The following LMTK3 variants were observed in gnomAD, a reference collection of about 807,000 sequenced individuals.
LMTK3 encodes lemur tail kinase 3.
LMTK3 carries 27 observed loss-of-function variants against 116.7 expected under a neutral mutation model. The observed-to-expected ratio is 0.23, with a 90% CI of 0.17 to 0.32. The LOEUF is 0.32. LMTK3 is among the 10% of genes least tolerant of loss of function. The pLI is 1.00. For synonymous variants in LMTK3, 965 were observed against 971.0 expected (o/e 0.99, Z 0.11); for missense variants, 1,764 against 2,068.5 (o/e 0.85, Z 2.86).
At chr19:48,486,873 T>G in intron 14 of LMTK3, among the ~76,000 whole-genome samples, 1 of 151,696 alleles carries the variant, frequency 6.6e-6, no homozygotes, top group Non-Finnish European at 1.5e-5. Flanking sequence ...GGGGTTTTGC[T>G]TGTTTGTTTT....
At position 48,499,121 on chromosome 19, in the gene LMTK3, G is replaced by C; in HGVS notation, c.1948C>G (p.Pro650Ala). ...CCAAGGCTGCTGCTGTCTTCCCCTG[G>C]GGAGCTGCCCTCCTCCTCCTCCTCT... is the stretch of plus-strand genomic sequence containing the variant. ...EEEEEEEGSS[P>A]GEDSSSLGGG... The change falls in exon 11 of 15, where the codon CCA becomes GCA. Residue 650 changes from proline (P) to alanine (A), a missense_variant. Pro to Ala is a conservative substitution (Grantham distance 27). Coordinates refer to ENST00000600059, the MANE Select transcript of LMTK3 (RefSeq NM_001388485.1). 6.4e-7 allele frequency: 1 copy of C among 1,558,350 alleles called. No individual in the cohort carries two copies. Among genetic ancestry groups the C allele is most frequent in the Non-Finnish European group, 8.6e-7 (1 of 1,156,670 alleles).
chr19:48,496,301 C>CT (rs553971997), intron 11 of LMTK3, among the ~76,000 whole-genome samples: 295 of 122,242 alleles, frequency 2.4e-3, no homozygotes, highest in African/African-American at 3.2e-3. Flanking sequence ...TTTTTCTTTT[C>CT]TTTTTTTTTT....
rs1308836604 is a variant in LMTK3 at position 48,494,909 on chromosome 19, ACTCC to A, written c.3677-804_3677-801del. On this transcript the variant is annotated intron_variant, in intron 11 of 14. Transcript: ENST00000600059. This position sits in a 1 kb window ranked among gnomAD's most constrained non-coding sequence, Gnocchi z 4.0. ...TCTCCCACCGATGTCCACCTGCCTC[ACTCC>A]CTCCTTTCCTTCACATCTGCTCAAA... is the stretch of plus-strand genomic sequence containing the variant. 1.3e-5 allele frequency among the ~76,000 whole-genome samples: 2 copies of A among 151,284 alleles called. No homozygotes were observed. The highest frequency in any genetic ancestry group is 2.9e-5 in the Non-Finnish European group (2 of 67,866).
chr19:48,489,170 C>T (rs1467008252), intron 14 of LMTK3, among the ~76,000 whole-genome samples: 1 of 152,234 alleles, frequency 6.6e-6, no homozygotes, highest in Non-Finnish European at 1.5e-5. Context: ...GCCAGGCAGG[C>T]TCACCCGTCT....
chr19:48,490,367 T>C (rs1972200703), intron 14 of LMTK3, among the ~76,000 whole-genome samples: 1 of 150,882 alleles, frequency 6.6e-6, no homozygotes, highest in Non-Finnish European at 1.5e-5. Context: ...GTAGTAAAAA[T>C]ACAAAAAAAG....
chr19:48,493,699 C>T lies in LMTK3; in HGVS notation c.4087G>A (p.Asp1363Asn), dbSNP rs1972270237. 2 of 1,570,418 alleles carry T rather than the reference C, an allele frequency of 1.3e-6. No individual in the cohort carries two copies. The highest frequency in any genetic ancestry group is 1.7e-6 in the Non-Finnish European group (2 of 1,159,398). ...FHGDVTVYLF[D>N]QETPTNELSV... ...CGCCCTCTCGGGTTCCGCACCTGGT[C>T]GAAGAGGTAGACGGTCACGTCCCCG... Residue 1363 changes from aspartate (D) to asparagine (N), a missense_variant, in exon 12 of 15, where the codon GAC becomes AAC. By Grantham distance (23) the Asp-to-Asn change is conservative. This residue lies in a region of LMTK3 where 281 missense variants were observed against 301.4 expected (regional missense o/e 0.93). Transcript: ENST00000600059.
At chr19:48,513,062 C>T (rs1019240775), upstream of LMTK3, 4 of 1,167,092 alleles carry the variant, frequency 3.4e-6, no homozygotes, top group East Asian at 5.1e-5. The surrounding 1 kb of genome is among the most constrained non-coding windows in gnomAD (Gnocchi z 5.6). Context: ...CACTGGCACA[C>T]ATAACACATA....
In LMTK3 at chr19:48,499,640, G is replaced by A; in HGVS notation, c.1429C>T (p.Leu477Phe). ...TVTESSRGLN[L>F]ECLWEKARRG... ...CGGGCCTTCTCCCACAGGCACTCGA[G>A]GTTGAGGCCGCGGCTACTCTCGGTG... The change falls in exon 11 of 15, where the codon CTC becomes TTC. Residue 477 changes from leucine (L) to phenylalanine (F), a missense_variant. Leu to Phe is a conservative substitution (Grantham distance 22). This residue lies in a region of LMTK3 where 16 missense variants were observed against 36.7 expected (regional missense o/e 0.44). Transcript: ENST00000600059. 6.5e-7 allele frequency: 1 copy of A among 1,542,866 alleles called. No homozygotes were observed. The highest frequency in any genetic ancestry group is 8.7e-7 in the Non-Finnish European group (1 of 1,143,494).
intron 1 of LMTK3, among the ~76,000 whole-genome samples, chr19:48,511,023 A>T (rs1972649825): frequency 6.6e-6 from 1 of 150,916 alleles, no homozygotes; most frequent in African/African-American, 2.4e-5. Flanking sequence ...CCATGCTGGA[A>T]CCCCCCAGTT....
Position 48,499,307 on chromosome 19 carries a change from G to C in LMTK3, c.1762C>G (p.Leu588Val), listed in dbSNP as rs749084874. 4.2e-6 allele frequency: 6 copies of C among 1,414,500 alleles called. No homozygotes were observed. In the South Asian group the frequency reaches 4.8e-5, roughly 11 times the overall value. 87.6% of individuals were successfully genotyped at this position (1,414,500 alleles called of 1,614,324 possible). A position where few individuals can be genotyped will look rare whatever the true frequency, so the allele number is the denominator to read the frequency against. ...GGGAAGGGCCGGGGCGCAGGGAAGA[G>C]GGGGGAGGCCCAGGTCTCGGACACC... ...QLVSETWASPLFPAPRPFPAQ... is the reference protein window; with the variant it reads ...QLVSETWASPVFPAPRPFPAQ... Residue 588 changes from leucine (L) to valine (V), a missense_variant, in exon 11 of 15, where the codon CTC becomes GTC. By Grantham distance (32) the Leu-to-Val change is conservative. This residue lies in a region of LMTK3 where 1,028 missense variants were observed against 1,050.6 expected (regional missense o/e 0.98). Transcript: ENST00000600059.
intron 5 of LMTK3, among the ~76,000 whole-genome samples, chr19:48,505,022 C>G (rs1972539731): frequency 6.6e-6 from 1 of 151,466 alleles, no homozygotes; most frequent in African/African-American, 2.4e-5. Flanking sequence ...TCCAAGGTGG[C>G]CCCTGTCTCT....
At position 48,493,919 on chromosome 19, in the gene LMTK3, C is replaced by T. The variant is rs1972276663; in HGVS notation, c.3867G>A (p.Glu1289=). ...CCGCCGCGCCCGGCGCCGCCGCCTC[C>T]TCGTCCTCCTCCTCGTCCTCGTCCT... ...EDEDEDEEED[E]EAAAPGAAAG... The change falls in exon 12 of 15, where the codon GAG becomes GAA. Residue 1289 remains glutamate, a synonymous_variant. Coordinates refer to ENST00000600059, the MANE Select transcript of LMTK3 (RefSeq NM_001388485.1). 1.9e-6 allele frequency: 2 copies of T among 1,030,414 alleles called. No individual in the cohort carries two copies. Among genetic ancestry groups the T allele is most frequent in the African/African-American group, 1.7e-5 (1 of 57,656 alleles). 63.8% of individuals were successfully genotyped at this position (1,030,414 alleles called of 1,614,324 possible). A position where few individuals can be genotyped will look rare whatever the true frequency, so the allele number is the denominator to read the frequency against.
At chr19:48,510,370 G>GC in intron 2 of LMTK3, 89 bp downstream of exon 2, 1 of 1,494,472 alleles carries the variant, frequency 6.7e-7, no homozygotes, top group East Asian at 2.5e-5. Flanking sequence ...CGGATTTACT[G>GC]CCCCCTTCTC....
In LMTK3 at chr19:48,497,307, A is replaced by C. The variant is rs1601046492; in HGVS notation, c.3676+86T>G. The C allele has an allele frequency of 2.3e-5, 31 of 1,348,084 alleles. No individual in the cohort carries two copies. Among genetic ancestry groups the C allele is most frequent in the African/African-American group, 3.0e-5 (2 of 66,184 alleles). 83.5% of individuals were successfully genotyped at this position (1,348,084 alleles called of 1,614,324 possible). ...ACCTGCATTCATCACTGCCAGCCCGACCCGACATGTTTACCCACACTCACC... is the reference window on the plus strand; with the variant it reads ...ACCTGCATTCATCACTGCCAGCCCGCCCCGACATGTTTACCCACACTCACC... On this transcript the variant is annotated intron_variant, in intron 11 of 14. Coordinates refer to ENST00000600059, the MANE Select transcript of LMTK3 (RefSeq NM_001388485.1). This position sits in a 1 kb window ranked among gnomAD's most constrained non-coding sequence, Gnocchi z 5.7.
chr19:48,511,642 G>A lies in LMTK3; in HGVS notation c.-66C>T. The A allele has an allele frequency of 3.2e-6, 2 of 626,330 alleles. No individual in the cohort carries two copies. The highest frequency in any genetic ancestry group is 3.4e-5 in the East Asian group (1 of 29,374). The allele number at this position is 626,330 out of a possible 1,614,324, so 38.8% of individuals were successfully genotyped here. A position where few individuals can be genotyped will look rare whatever the true frequency, so the allele number is the denominator to read the frequency against. On this transcript the variant is annotated 5_prime_UTR_variant, in exon 1 of 15. Transcript: ENST00000600059. The stretch of plus-strand genomic sequence containing the variant: ...GGGAGGAGGGGGGGGCGGGCCCTCA[G>A]CCCCCAGCCATGGGGACCCGCGCGA...
In LMTK3 at chr19:48,499,668, C is replaced by T. The variant is rs1047614828; in HGVS notation, c.1401G>A (p.Thr467=). The part of the protein sequence containing the change: ...FPGADPDDVL[T]VTESSRGLNL... ...TGAGGCCGCGGCTACTCTCGGTGAC[C>T]GTGAGCACATCGTCGGGGTCGGCTC... Residue 467 remains threonine (T), a synonymous_variant, in exon 11 of 15, where the codon ACG becomes ACA. Transcript: ENST00000600059. The T allele has an allele frequency of 1.3e-6, 2 of 1,535,500 alleles. No homozygotes were observed. The highest frequency in any genetic ancestry group is 1.8e-6 in the Non-Finnish European group (2 of 1,140,120).
Position 48,510,335 on chromosome 19 carries a change from A to G in LMTK3, c.210+124T>C. On this transcript the variant is annotated intron_variant, in intron 2 of 14. Coordinates refer to ENST00000600059, the MANE Select transcript of LMTK3 (RefSeq NM_001388485.1). The stretch of plus-strand genomic sequence containing the variant: ...CCATCCCAAGGCTCCAGATCTTGCC[A>G]TAGCTTCAAGCTGGAAGGTGCTCTC... The G allele has an allele frequency of 6.3e-6, 9 of 1,438,134 alleles. No homozygotes were observed. In the South Asian group the frequency reaches 1.2e-4, roughly 19 times the overall value. 89.1% of individuals were successfully genotyped at this position (1,438,134 alleles called of 1,614,324 possible).
chr19:48,487,575 G>A (rs576181639), intron 14 of LMTK3, among the ~76,000 whole-genome samples: 10 of 152,194 alleles, frequency 6.6e-5, no homozygotes, highest in Admixed American at 2.0e-4. Context: ...CCAGCATCCC[G>A]TCTGGCACAA....
In LMTK3 at chr19:48,485,808, G is replaced by A; in HGVS notation, c.4367-19C>T. ...ACGGGGCCTGAGGATGGACAGAGGA[G>A]ACAGAGAAATGAAATTACTAGGGGG... On this transcript the variant is annotated intron_variant, in intron 14 of 14. Transcript: ENST00000600059. The A allele has an allele frequency of 1.2e-6, 2 of 1,605,054 alleles. No homozygotes were observed.
Sources: gnomAD v4.1 joint callset for allele counts (sites outside exome capture counted in the v4.1 genomes callset) on GRCh38, gnomAD v4.1.1 for gene constraint, gnomAD v4.1.1 regional missense constraint, Gnocchi (gnomAD v3.1) non-coding constraint, MANE v1.5 for transcripts, NCBI Gene and HGNC (gene_info 2026-07-23, HGNC 2026-07-21) for gene names.